CPAMD8: variants seen among roughly 807,000 people sequenced by gnomAD.
CPAMD8 encodes C3 and PZP-like alpha-2-macroglobulin domain-containing protein 8.
Under a neutral mutation model 224.7 loss-of-function variants are expected in CPAMD8, and 146 were observed. The ratio of observed to expected loss-of-function variants is 0.65; its 90% CI spans 0.57 to 0.75. CPAMD8 has a LOEUF of 0.75. Ranked by LOEUF, CPAMD8 falls within the 30% of genes least tolerant of loss-of-function variation. The pLI, the probability that CPAMD8 is intolerant of heterozygous loss-of-function variation, is 0.00. For synonymous variants in CPAMD8, 966 were observed against 1,044.6 expected (o/e 0.92, Z 1.45); for missense variants, 2,301 against 2,537.5 (o/e 0.91, Z 2.00).
intron 23 of CPAMD8, among the ~76,000 whole-genome samples, chr19:16,934,334 C>T (rs2145002431): frequency 6.6e-6 from 1 of 152,138 alleles, no homozygotes; most frequent in East Asian, 1.9e-4. Flanking sequence ...TCAATTATGC[C>T]TCAATAAACA....
chr19:16,946,744 T>C (rs1568512041), intron 21 of CPAMD8, among the ~76,000 whole-genome samples: 1 of 150,592 alleles, frequency 6.6e-6, no homozygotes, highest in Admixed American at 6.6e-5. Flanking sequence ...TGTGGACGTG[T>C]GTGTGTGGAT....
rs1465598007 is a variant in CPAMD8 at position 16,895,973 on chromosome 19, T to C, written c.5426+203A>G. 5 of 699,820 alleles carry C rather than the reference T, an allele frequency of 7.1e-6. No homozygotes were observed. The African/African-American group carries it at 8.8e-5, about 12-fold the overall frequency. 43.4% of individuals were successfully genotyped at this position (699,820 alleles called of 1,614,324 possible). A position where few individuals can be genotyped will look rare whatever the true frequency, so the allele number is the denominator to read the frequency against. ...CAGCTGTTCGCTGGTGGGTGTTGCG[T>C]GGGCCAGGGTGGAGGGAGGATGAAT... On this transcript the variant is annotated intron_variant, in intron 41 of 41. Coordinates refer to ENST00000443236, the MANE Select transcript of CPAMD8 (RefSeq NM_015692.5).
chr19:16,932,107 A>AT (rs1403935271), intron 23 of CPAMD8, among the ~76,000 whole-genome samples: 1 of 152,102 alleles, frequency 6.6e-6, no homozygotes, highest in Non-Finnish European at 1.5e-5. Context: ...AAAAAAAAAA[A>AT]TGTATGTAAT....
At chr19:16,939,759 G>A (rs891534306) in intron 22 of CPAMD8, among the ~76,000 whole-genome samples, 17 of 152,192 alleles carry the variant, frequency 1.1e-4, no homozygotes, top group African/African-American at 4.1e-4. Context: ...CTGGGACATT[G>A]ATCTTCTCCT....
chr19:16,939,939 G>A (rs2053831171), intron 22 of CPAMD8, among the ~76,000 whole-genome samples: 1 of 151,406 alleles, frequency 6.6e-6, no homozygotes, highest in Admixed American at 6.6e-5. Flanking sequence ...TTTAGATGGA[G>A]TCTCACTCTG....
intron 27 of CPAMD8, among the ~76,000 whole-genome samples, chr19:16,920,151 A>G (rs1263184708): frequency 6.6e-6 from 1 of 152,188 alleles, no homozygotes; most frequent in Non-Finnish European, 1.5e-5. Flanking sequence ...GTGAGAGGGG[A>G]CCTGGAAGCT....
chr19:17,002,882 C>T (rs1281257283), intron 8 of CPAMD8, among the ~76,000 whole-genome samples: 4 of 150,694 alleles, frequency 2.7e-5, no homozygotes, highest in South Asian at 2.1e-4. Context: ...AGAATCTTTT[C>T]GTTCTTTCTT....
At chr19:16,930,084 G>A (rs756114200) in intron 23 of CPAMD8, among the ~76,000 whole-genome samples, 6 of 151,936 alleles carry the variant, frequency 3.9e-5, no homozygotes, top group South Asian at 2.1e-4. Flanking sequence ...GTGAAACTCC[G>A]TCTCTACTAA....
At chr19:16,951,894 C>A in intron 20 of CPAMD8, 75 bp downstream of exon 20, 2 of 937,160 alleles carry the variant, frequency 2.1e-6, no homozygotes, top group Non-Finnish European at 3.3e-6. Context: ...CCCACCCCTG[C>A]CTACCTTATA....
In CPAMD8 at chr19:16,893,147, C is replaced by T; in HGVS notation, c.5619G>A (p.Glu1873=). The change falls in exon 42 of 42, where the codon GAG becomes GAA. Residue 1873 remains glutamate, a synonymous_variant. Coordinates refer to ENST00000443236, the MANE Select transcript of CPAMD8 (RefSeq NM_015692.5). The stretch of plus-strand genomic sequence containing the variant: ...AGGTGTTTGACATCCATAAACCCTC[C>T]TCCCCACCACTCTGAAAGGCTGGGC... ...VYSPAFQSGG[E]EGLWMSNTCT... is the part of the protein sequence containing the mutation. 1 of 1,567,418 alleles carries T rather than the reference C, an allele frequency of 6.4e-7. No individual in the cohort carries two copies. The highest frequency in any genetic ancestry group is 1.3e-5 in the African/African-American group (1 of 74,184).
intron 10 of CPAMD8, among the ~76,000 whole-genome samples, chr19:16,999,527 G>C (rs1256895147): frequency 1.3e-5 from 2 of 150,764 alleles, no homozygotes; most frequent in Non-Finnish European, 2.9e-5. Flanking sequence ...GGAGCTTGCA[G>C]TGAGCCGAGA....
chr19:16,903,462 A>G (rs1244765182), intron 34 of CPAMD8, 99 bp downstream of exon 34: 1 of 1,557,418 alleles, frequency 6.4e-7, no homozygotes, highest in Non-Finnish European at 8.8e-7. Flanking sequence ...TGCTGAGTTC[A>G]GAACCCTCTG....
At chr19:17,022,268 G>GCAGACTCCT (rs2123267524) in intron 1 of CPAMD8, 87 bp from the exon 2 acceptor site, 2 of 1,445,802 alleles carry the variant, frequency 1.4e-6, no homozygotes, top group East Asian at 4.9e-5. Context: ...TCTCCTCGCA[G>GCAGACTCCT]CAGACTCCTG....
chr19:17,022,655 C>T (rs371906449), intron 1 of CPAMD8, among the ~76,000 whole-genome samples: 1 of 152,064 alleles, frequency 6.6e-6, no homozygotes, highest in Non-Finnish European at 1.5e-5. Context: ...CCTGCCACCA[C>T]GGCCGGCTAA....
chr19:16,915,043 C>A (rs2052894658), intron 27 of CPAMD8, among the ~76,000 whole-genome samples: 1 of 152,256 alleles, frequency 6.6e-6, no homozygotes, highest in South Asian at 2.1e-4. Flanking sequence ...ACCTGGACCT[C>A]TACCCTAGTG....
At chr19:16,955,167 T>C (rs564569813) in intron 19 of CPAMD8, among the ~76,000 whole-genome samples, 12 of 151,834 alleles carry the variant, frequency 7.9e-5, no homozygotes, top group Non-Finnish European at 1.3e-4. Flanking sequence ...TGGTGGCGCA[T>C]GCCTATAGTC....
intron 20 of CPAMD8, among the ~76,000 whole-genome samples, chr19:16,950,758 G>A (rs146891293): frequency 1.0e-4 from 14 of 140,486 alleles, no homozygotes; most frequent in Admixed American, 3.0e-4. Context: ...GTACCAGTGC[G>A]CTCCAGCCTG....
intron 2 of CPAMD8, among the ~76,000 whole-genome samples, chr19:17,021,621 T>G (rs1176625180): frequency 6.6e-6 from 1 of 152,236 alleles, no homozygotes; most frequent in East Asian, 1.9e-4. Flanking sequence ...GGGCCTGAGC[T>G]GCACTTAGTA....
Position 17,011,473 on chromosome 19 carries a change from G to T in CPAMD8, c.477C>A (p.Val159=). Residue 159 remains valine (V), a synonymous_variant, in exon 5 of 42, where the codon GTC becomes GTA. Coordinates refer to ENST00000443236, the MANE Select transcript of CPAMD8 (RefSeq NM_015692.5). Reference sequence around the variant, plus strand: ...TAGAAGCTGATCTCACCTTCTCGTTGACAGGCCTCAGATTTGGAGAGACGG... The same window carrying T: ...TAGAAGCTGATCTCACCTTCTCGTTTACAGGCCTCAGATTTGGAGAGACGG... ...IFTVSPNLRP[V]NEKLEAYILD... 1 of 1,614,220 alleles carries T rather than the reference G, an allele frequency of 6.2e-7. No homozygotes were observed. Among genetic ancestry groups the T allele is most frequent in the Non-Finnish European group, 8.5e-7 (1 of 1,180,042 alleles).
Sources: allele counts gnomAD v4.1 joint callset (sites outside exome capture counted in the v4.1 genomes callset), GRCh38; gene constraint gnomAD v4.1.1; transcripts MANE v1.5; gene names NCBI Gene and HGNC (gene_info 2026-07-23, HGNC 2026-07-21).